The following LRFN5 variants were observed in gnomAD, a reference collection of about 807,000 sequenced individuals.
LRFN5 encodes leucine rich repeat and fibronectin type III domain containing 5, also known as leucine-rich repeat and fibronectin type-III domain-containing protein 5.
Under a neutral mutation model 45.6 loss-of-function variants are expected in LRFN5, and 24 were observed. That is an observed-to-expected ratio of 0.53 (90% CI 0.38 to 0.74). The LOEUF (loss-of-function observed/expected upper bound fraction) is 0.74. LRFN5 is among the 30% of genes least tolerant of loss of function. The pLI is 0.00. For missense variants in LRFN5, 776 were observed against 861.5 expected (o/e 0.90, Z 1.24); for synonymous variants, 340 against 313.8 (o/e 1.08, Z -0.88).
At chr14:41,896,543 T>A (rs1890945348) in intron 4 of LRFN5, among the ~76,000 whole-genome samples, 1 of 152,180 alleles carries the variant, frequency 6.6e-6, no homozygotes, top group African/African-American at 2.4e-5. Context: ...ACAATGTTAG[T>A]GATATTTAAG....
At chr14:41,781,283 AG>A (rs1886472115) in intron 2 of LRFN5, among the ~76,000 whole-genome samples, 1 of 152,012 alleles carries the variant, frequency 6.6e-6, no homozygotes, top group Admixed American at 6.6e-5. Context: ...GGAGTTTGGG[AG>A]GCTGAAGCAG....
At chr14:41,775,093 C>CTTTTTTTTTTTTTTTTTT (rs59438733) in intron 2 of LRFN5, among the ~76,000 whole-genome samples, 14 of 112,490 alleles carry the variant, frequency 1.2e-4, no homozygotes, top group African/African-American at 3.2e-4. Context: ...TTTTCTTTTT[C>CTTTTTTTTTTTTTTTTTT]TTTTTTTTTT....
At chr14:41,758,357 C>G (rs149795782) in intron 1 of LRFN5, among the ~76,000 whole-genome samples, 2 of 152,192 alleles carry the variant, frequency 1.3e-5, no homozygotes. Flanking sequence ...ATCATAGAGA[C>G]AATTAATCCC....
At chr14:41,652,677 A>G (rs1386284480) in intron 1 of LRFN5, among the ~76,000 whole-genome samples, 1 of 152,114 alleles carries the variant, frequency 6.6e-6, no homozygotes, top group African/African-American at 2.4e-5. Context: ...GGCAAAAATA[A>G]CAAGAGTAAT....
chr14:41,739,821 A>G (rs1173735647), intron 1 of LRFN5, among the ~76,000 whole-genome samples: 2 of 151,998 alleles, frequency 1.3e-5, no homozygotes, highest in Admixed American at 6.6e-5. Context: ...TAGCTAGACT[A>G]ACAAGGACAA....
intron 2 of LRFN5, among the ~76,000 whole-genome samples, chr14:41,833,046 A>G (rs1364509884): frequency 6.6e-6 from 1 of 152,100 alleles, no homozygotes; most frequent in Non-Finnish European, 1.5e-5. Context: ...GCTCCTCCCT[A>G]TCAGGGAATC....
intron 2 of LRFN5, among the ~76,000 whole-genome samples, chr14:41,847,950 T>C (rs1957862): frequency 0.59 from 89,051 of 151,982 alleles, 26,263 homozygotes; most frequent in African/African-American, 0.64. Context: ...CAAATTTATA[T>C]AGATATTGAT....
intron 2 of LRFN5, among the ~76,000 whole-genome samples, chr14:41,825,698 A>G (rs1594443209): frequency 6.6e-6 from 1 of 152,194 alleles, no homozygotes; most frequent in East Asian, 1.9e-4. Flanking sequence ...ACAGTGGTCC[A>G]TAATGGATGC....
intron 1 of LRFN5, among the ~76,000 whole-genome samples, chr14:41,703,593 G>A (rs1882926603): frequency 6.6e-6 from 1 of 151,718 alleles, no homozygotes; most frequent in Admixed American, 6.6e-5. Flanking sequence ...TCTTTAAAAA[G>A]GCTGCCACAC....
intron 2 of LRFN5, among the ~76,000 whole-genome samples, chr14:41,884,946 T>A (rs1890512565): frequency 6.6e-6 from 1 of 152,188 alleles, no homozygotes; most frequent in Non-Finnish European, 1.5e-5. Context: ...AAATATGCTT[T>A]AATTAGAAAA....
At chr14:41,610,555 C>T (rs1887704840) in intron 1 of LRFN5, among the ~76,000 whole-genome samples, 1 of 149,310 alleles carries the variant, frequency 6.7e-6, no homozygotes, top group African/African-American at 2.5e-5. Flanking sequence ...TTCCACTCTT[C>T]AGATAGATTT....
At chr14:41,867,332 T>C (rs1157284600) in intron 2 of LRFN5, among the ~76,000 whole-genome samples, 1 of 151,526 alleles carries the variant, frequency 6.6e-6, no homozygotes, top group African/African-American at 2.4e-5. Flanking sequence ...TTAGTTGGTG[T>C]ATTATACATA....
chr14:41,829,776 C>T (rs1234511900), intron 2 of LRFN5, among the ~76,000 whole-genome samples: 1 of 151,586 alleles, frequency 6.6e-6, no homozygotes, highest in Non-Finnish European at 1.5e-5. Flanking sequence ...TCTGATTCCA[C>T]ACCTTTTTTT....
intron 2 of LRFN5, among the ~76,000 whole-genome samples, chr14:41,775,030 A>G (rs573515443): frequency 6.6e-6 from 1 of 152,134 alleles, no homozygotes; most frequent in East Asian, 1.9e-4. Flanking sequence ...GTAATACAAT[A>G]AAAGTCCAGG....
chr14:41,849,939 A>G (rs1252266551), intron 2 of LRFN5, among the ~76,000 whole-genome samples: 1 of 151,864 alleles, frequency 6.6e-6, no homozygotes, highest in Non-Finnish European at 1.5e-5. Context: ...TTATCATACT[A>G]AATTTGCAGT....
intron 1 of LRFN5, among the ~76,000 whole-genome samples, chr14:41,705,035 T>C (rs1883006412): frequency 6.6e-6 from 1 of 152,202 alleles, no homozygotes; most frequent in South Asian, 2.1e-4. Flanking sequence ...TAAGTTATTA[T>C]GTGGCTTTAC....
chr14:41,860,740 A>G (rs1229766104), intron 2 of LRFN5, among the ~76,000 whole-genome samples: 1 of 152,232 alleles, frequency 6.6e-6, no homozygotes, highest in Non-Finnish European at 1.5e-5. Flanking sequence ...ACAGAAAGAC[A>G]GAGAATTGTA....
intron 2 of LRFN5, among the ~76,000 whole-genome samples, chr14:41,794,031 A>G (rs551881307): frequency 3.9e-5 from 6 of 152,004 alleles, no homozygotes; most frequent in African/African-American, 7.2e-5. Flanking sequence ...AACTTCATAG[A>G]TTTTATTCAT....
At chr14:41,671,212 G>A (rs8020524) in intron 1 of LRFN5, among the ~76,000 whole-genome samples, 3,198 of 152,128 alleles carry the variant, frequency 0.021, 104 homozygotes, top group African/African-American at 0.07. Flanking sequence ...AGTTTAAAAA[G>A]AAATTAAGTT....
Sources: allele counts gnomAD v4.1 joint callset (sites outside exome capture counted in the v4.1 genomes callset), GRCh38; gene constraint gnomAD v4.1.1; transcripts MANE v1.5; gene names NCBI Gene and HGNC (gene_info 2026-07-23, HGNC 2026-07-21).